The following MRM1 variants were observed in gnomAD, a reference collection of about 807,000 sequenced individuals.
MRM1 encodes mitochondrial rRNA methyltransferase 1.
Under a neutral mutation model 25.0 loss-of-function variants are expected in MRM1, and 24 were observed. That is an observed-to-expected ratio of 0.96 (90% CI 0.69 to 1.35). MRM1 has a LOEUF of 1.35. Ranked by LOEUF, MRM1 falls within the 40% of genes most tolerant of loss-of-function variation. The pLI, the probability that MRM1 is intolerant of heterozygous loss-of-function variation, is 0.00. For missense variants in MRM1, 431 were observed against 464.1 expected, an observed-to-expected ratio of 0.93 and a Z score of 0.65; for synonymous variants, 188 against 199.2, an observed-to-expected ratio of 0.94 and a Z score of 0.47.
the MRM1 span, among the ~76,000 whole-genome samples, chr17:36,628,750 C>T: frequency 7.2e-5 from 11 of 152,280 alleles, no homozygotes; most frequent in South Asian, 2.3e-3. Flanking sequence ...TTATTTCACA[C>T]AATGCTCATC....
Position 36,602,440 on chromosome 17 carries a change from C to T in MRM1, c.542+88C>T. On this transcript the variant is annotated intron_variant, in intron 1 of 4. Transcript: ENST00000614766. The surrounding 1 kb of genome is among the most constrained non-coding windows in gnomAD (Gnocchi z 4.1). Reference sequence around the variant, plus strand: ...CTTGGCCCTTGGGTGATCCCTTAGCCAGACTTACCTGTCCCAGAACTCTCA... The same window carrying T: ...CTTGGCCCTTGGGTGATCCCTTAGCTAGACTTACCTGTCCCAGAACTCTCA... 1 of 1,572,200 alleles carries T rather than the reference C, an allele frequency of 6.4e-7. No homozygotes were observed. Among genetic ancestry groups the T allele is most frequent in the Non-Finnish European group, 8.7e-7 (1 of 1,155,598 alleles).
intron 4 of MRM1, 91 bp downstream of exon 4, chr17:36,608,109 T>A: frequency 6.5e-7 from 1 of 1,545,170 alleles, no homozygotes. Flanking sequence ...GCTGTTTGTG[T>A]GCCTCAGTTG....
the MRM1 span, among the ~76,000 whole-genome samples, chr17:36,617,268 G>A: frequency 6.6e-6 from 1 of 152,118 alleles, no homozygotes. Context: ...CTTAACCTCT[G>A]AGCTTAGTTT....
rs770902905 is a variant in MRM1, at chr17:36,607,659, C to T, written c.637-11C>T. 9 of 1,605,920 alleles carry T rather than the reference C, an allele frequency of 5.6e-6. No homozygotes were observed. The African/African-American group carries it at 1.1e-4, about 19-fold the overall frequency. ...AAAAAGAATTAGAACATATCTTCTT[C>T]CCCCTTTCAGACCAAAGCCCAGCAG... On this transcript the variant is annotated splice_polypyrimidine_tract_variant and intron_variant, in intron 2 of 4. Coordinates refer to ENST00000614766, the MANE Select transcript of MRM1 (RefSeq NM_024864.5).
chr17:36,612,050 T>G (rs917771821), downstream of MRM1, among the ~76,000 whole-genome samples: 5 of 152,190 alleles, frequency 3.3e-5, no homozygotes, highest in Non-Finnish European at 7.3e-5. Flanking sequence ...AGGGTTCAGC[T>G]TGCTCTCTAG....
At chr17:36,617,894 G>T in the MRM1 span, among the ~76,000 whole-genome samples, 1 of 152,234 alleles carries the variant, frequency 6.6e-6, no homozygotes, top group African/African-American at 2.4e-5. Flanking sequence ...GGCTGTGTCC[G>T]CACACCATGC....
chr17:36,628,066 A>T, the MRM1 span, among the ~76,000 whole-genome samples: 1 of 152,200 alleles, frequency 6.6e-6, no homozygotes, highest in Non-Finnish European at 1.5e-5. Context: ...TATACTCTTT[A>T]TGAATGCCTT....
the MRM1 span, among the ~76,000 whole-genome samples, chr17:36,616,665 A>G: frequency 6.6e-6 from 1 of 152,170 alleles, no homozygotes; most frequent in African/African-American, 2.4e-5. Context: ...TGGTACTAGC[A>G]TTTGTTATGC....
intron 4 of MRM1, 45 bp downstream of exon 4, chr17:36,608,063 C>A (rs1424993219): frequency 6.2e-7 from 1 of 1,603,396 alleles, no homozygotes; most frequent in South Asian, 1.1e-5. Flanking sequence ...TCTAATCACG[C>A]AGGTGGGATT....
At chr17:36,614,298 A>G in the MRM1 span, among the ~76,000 whole-genome samples, 1 of 152,028 alleles carries the variant, frequency 6.6e-6, no homozygotes, top group African/African-American at 2.4e-5. Context: ...AGTGGTCTTC[A>G]GCTCATCCTG....
At chr17:36,630,189 G>A in the MRM1 span, among the ~76,000 whole-genome samples, 3 of 152,182 alleles carry the variant, frequency 2.0e-5, no homozygotes, top group Non-Finnish European at 2.9e-5. Context: ...TGCGGAAGTG[G>A]CATCTTGCAT....
At chr17:36,617,617 A>T in the MRM1 span, among the ~76,000 whole-genome samples, 1 of 151,836 alleles carries the variant, frequency 6.6e-6, no homozygotes, top group Non-Finnish European at 1.5e-5. Context: ...GCTGGTCTCG[A>T]ACTCCTGACC....
At chr17:36,617,846 G>A in the MRM1 span, among the ~76,000 whole-genome samples, 2 of 152,100 alleles carry the variant, frequency 1.3e-5, no homozygotes, top group African/African-American at 2.4e-5. Flanking sequence ...TGCCCTGGCC[G>A]GGTCACTGGG....
At chr17:36,614,650 G>A in the MRM1 span, among the ~76,000 whole-genome samples, 21 of 152,154 alleles carry the variant, frequency 1.4e-4, no homozygotes, top group Admixed American at 8.5e-4. Context: ...TCTCTTGCTA[G>A]CTGGATGCCC....
chr17:36,623,928 T>C, the MRM1 span, among the ~76,000 whole-genome samples: 1 of 152,166 alleles, frequency 6.6e-6, no homozygotes, highest in Non-Finnish European at 1.5e-5. Flanking sequence ...CTGCAATAGA[T>C]CCCATGCACC....
chr17:36,629,727 G>GT, the MRM1 span, among the ~76,000 whole-genome samples: 2 of 149,512 alleles, frequency 1.3e-5, no homozygotes, highest in Admixed American at 6.7e-5. Flanking sequence ...GAGGGATGGG[G>GT]TGGGGGGGGG....
At chr17:36,624,712 A>C in the MRM1 span, among the ~76,000 whole-genome samples, 1 of 152,090 alleles carries the variant, frequency 6.6e-6, no homozygotes, top group East Asian at 1.9e-4. The surrounding 1 kb of genome is among the most constrained non-coding windows in gnomAD (Gnocchi z 4.0). Flanking sequence ...GGGGTCAGAC[A>C]CACCCAGACT....
At chr17:36,627,713 C>T in the MRM1 span, among the ~76,000 whole-genome samples, 1 of 119,408 alleles carries the variant, frequency 8.4e-6, no homozygotes, top group African/African-American at 3.4e-5. Flanking sequence ...CCAGCTTGGT[C>T]ACTGAAGCTG....
chr17:36,603,870 T>C (rs2074904737), intron 2 of MRM1, among the ~76,000 whole-genome samples: 1 of 152,230 alleles, frequency 6.6e-6, no homozygotes, highest in Non-Finnish European at 1.5e-5. Context: ...CACTTTTTTG[T>C]AGAGAGCCCC....
Sources: gnomAD v4.1 joint callset for allele counts (sites outside exome capture counted in the v4.1 genomes callset) on GRCh38, gnomAD v4.1.1 for gene constraint, Gnocchi (gnomAD v3.1) non-coding constraint, MANE v1.5 for transcripts, NCBI Gene and HGNC (gene_info 2026-07-23, HGNC 2026-07-21) for gene names.